Variants in MAP4 observed in about 807,000 individuals in gnomAD.
The protein encoded by MAP4 is microtubule-associated protein 4.
MAP4 carries 76 observed loss-of-function variants against 170.2 expected under a neutral mutation model. The ratio of observed to expected loss-of-function variants is 0.45; its 90% CI spans 0.37 to 0.54. The LOEUF is 0.54. Ranked by LOEUF, MAP4 falls within the 20% of genes least tolerant of loss-of-function variation. The pLI is 0.00. For synonymous variants in MAP4, 909 were observed against 994.5 expected (o/e 0.91, Z 1.62); for missense variants, 2,506 against 2,748.0 (o/e 0.91, Z 1.97).
At chr3:47,930,264 T>C (rs2100048827) in intron 3 of MAP4, among the ~76,000 whole-genome samples, 1 of 150,010 alleles carries the variant, frequency 6.7e-6, no homozygotes, top group Admixed American at 6.6e-5. Flanking sequence ...GCTAACAAGG[T>C]GAAACCCCGT....
intron 3 of MAP4, among the ~76,000 whole-genome samples, chr3:47,956,563 G>C (rs2100067948): frequency 6.6e-6 from 1 of 152,190 alleles, no homozygotes; most frequent in Non-Finnish European, 1.5e-5. Context: ...AATTATTAAG[G>C]ATTTTGTTGG....
intron 2 of MAP4, among the ~76,000 whole-genome samples, chr3:47,985,574 T>C (rs1559708287): frequency 6.6e-6 from 1 of 152,184 alleles, no homozygotes; most frequent in Non-Finnish European, 1.5e-5. Flanking sequence ...GTGGTGCACT[T>C]AGGACACATC....
At chr3:47,873,562 T>C (rs907177588) in intron 12 of MAP4, among the ~76,000 whole-genome samples, 2 of 152,086 alleles carry the variant, frequency 1.3e-5, no homozygotes, top group Non-Finnish European at 2.9e-5. Context: ...AAATGTAGGG[T>C]AATGACAATT....
At chr3:47,881,297 G>T (rs1436646866) in intron 10 of MAP4, among the ~76,000 whole-genome samples, 1 of 150,688 alleles carries the variant, frequency 6.6e-6, no homozygotes, top group African/African-American at 2.4e-5. Context: ...AAAATCGAAA[G>T]AAAATTAGTG....
intron 1 of MAP4, among the ~76,000 whole-genome samples, chr3:48,088,462 C>A (rs923870685): frequency 2.0e-5 from 3 of 152,182 alleles, no homozygotes; most frequent in African/African-American, 7.2e-5. Context: ...CGCGGCTCAG[C>A]CCCATCCAGA....
chr3:47,958,292 G>A (rs1344216200), intron 3 of MAP4, among the ~76,000 whole-genome samples: 3 of 152,158 alleles, frequency 2.0e-5, no homozygotes, highest in Non-Finnish European at 4.4e-5. Flanking sequence ...AAATGTTTGA[G>A]TCATTTCACC....
intron 3 of MAP4, among the ~76,000 whole-genome samples, chr3:47,933,871 G>A (rs1297802950): frequency 2.0e-5 from 3 of 152,140 alleles, no homozygotes; most frequent in African/African-American, 7.2e-5. Context: ...CAAAGTGCTG[G>A]GATGACAGGC....
At chr3:47,977,292 G>T (rs1190303659) in intron 3 of MAP4, among the ~76,000 whole-genome samples, 1 of 152,180 alleles carries the variant, frequency 6.6e-6, no homozygotes, top group Non-Finnish European at 1.5e-5. Flanking sequence ...GGGGCAGGGG[G>T]TTGGTGCTGG....
Position 47,869,339 on chromosome 3 carries a change from T to C in MAP4, c.6295-12A>G, listed in dbSNP as rs759992088. Reference sequence around the variant, plus strand: ...TTCTCTACTTTGGCCTGGATGGAGATAAAGGGAGGGCAAATTTCAAACCAA... The same window carrying C: ...TTCTCTACTTTGGCCTGGATGGAGACAAAGGGAGGGCAAATTTCAAACCAA... On this transcript the variant is annotated splice_polypyrimidine_tract_variant and intron_variant, in intron 15 of 20. Coordinates refer to ENST00000683076, the MANE Select transcript of MAP4 (RefSeq NM_001385682.1). 3 of 1,569,590 alleles carry C rather than the reference T, an allele frequency of 1.9e-6. No individual in the cohort carries two copies. Among genetic ancestry groups the C allele is most frequent in the Non-Finnish European group, 2.6e-6 (3 of 1,139,466 alleles).
At position 47,853,214 on chromosome 3, in the gene MAP4, C is replaced by G. The variant is rs762038599; in HGVS notation, c.6835G>C (p.Gly2279Arg). ...GTCTGGGCCTCCCTTTGGTCACCAC[C>G]CCCTGACAGGGTGGGGTGGCCATTG... ...GLNGHPTLSGGGDQREAQTLD... is the reference protein window; with the variant it reads ...GLNGHPTLSGRGDQREAQTLD... The change falls in exon 20 of 21, where the codon GGT (glycine) becomes CGT (arginine). Residue 2279 changes from glycine (G) to arginine (R), a missense_variant. Transcript: ENST00000683076. 1 of 1,579,796 alleles carries G rather than the reference C, an allele frequency of 6.3e-7. No homozygotes were observed. The highest frequency in any genetic ancestry group is 8.6e-7 in the Non-Finnish European group (1 of 1,161,692).
At chr3:48,029,875 G>A (rs934068830) in intron 1 of MAP4, among the ~76,000 whole-genome samples, 1 of 151,268 alleles carries the variant, frequency 6.6e-6, no homozygotes, top group Admixed American at 6.6e-5. Flanking sequence ...GCATGCACCT[G>A]TAGTCCCAGC....
At chr3:47,880,581 T>A (rs2096556579) in intron 10 of MAP4, among the ~76,000 whole-genome samples, 1 of 148,174 alleles carries the variant, frequency 6.7e-6, no homozygotes, top group Non-Finnish European at 1.5e-5. Context: ...CCCTAATGCC[T>A]CAGCCTTCCA....
chr3:48,023,581 C>T (rs1490724030), intron 1 of MAP4, among the ~76,000 whole-genome samples: 1 of 152,190 alleles, frequency 6.6e-6, no homozygotes, highest in Non-Finnish European at 1.5e-5. Flanking sequence ...GTCTCTAAGT[C>T]TGCATGTGCT....
At chr3:48,004,913 C>A (rs2154401135) in intron 1 of MAP4, among the ~76,000 whole-genome samples, 1 of 152,074 alleles carries the variant, frequency 6.6e-6, no homozygotes, top group East Asian at 1.9e-4. Context: ...AGAGTCATGG[C>A]CTCCTCTCAG....
chr3:48,076,755 A>C (rs149493665), intron 1 of MAP4, among the ~76,000 whole-genome samples: 71 of 152,312 alleles, frequency 4.7e-4, no homozygotes, highest in African/African-American at 1.6e-3. Flanking sequence ...TTATCACCTT[A>C]AATTAGGCAA....
intron 1 of MAP4, among the ~76,000 whole-genome samples, chr3:48,002,065 T>C (rs1313778158): frequency 1.3e-5 from 2 of 151,910 alleles, no homozygotes; most frequent in Non-Finnish European, 1.5e-5. Flanking sequence ...CCAGATGTGG[T>C]GGCATGCACC....
intron 3 of MAP4, among the ~76,000 whole-genome samples, chr3:47,952,580 C>A (rs1320983789): frequency 6.6e-6 from 1 of 151,912 alleles, no homozygotes; most frequent in Non-Finnish European, 1.5e-5. Context: ...TGATCTATGA[C>A]CTTACCCCCA....
intron 1 of MAP4, among the ~76,000 whole-genome samples, chr3:48,031,880 TACACACACACATAC>T (rs975442156): frequency 1.4e-5 from 2 of 147,614 alleles, no homozygotes; most frequent in African/African-American, 2.6e-5. Context: ...AACACACACA[TACACACACACATAC>T]ACACACACAC....
intron 17 of MAP4, among the ~76,000 whole-genome samples, chr3:47,860,725 G>A (rs1430684778): frequency 6.6e-6 from 1 of 152,138 alleles, no homozygotes; most frequent in East Asian, 1.9e-4. Context: ...CGAAGAATGA[G>A]ACATGAATGT....
Sources: gnomAD v4.1 joint callset for allele counts (sites outside exome capture counted in the v4.1 genomes callset) on GRCh38, gnomAD v4.1.1 for gene constraint, MANE v1.5 for transcripts, NCBI Gene and HGNC (gene_info 2026-07-23, HGNC 2026-07-21) for gene names.